Variants in TRIM44 observed in about 807,000 individuals in gnomAD.
TRIM44 encodes tripartite motif-containing protein 44.
Under a neutral mutation model 37.4 loss-of-function variants are expected in TRIM44, and 13 were observed. That is an observed-to-expected ratio of 0.35 (90% CI 0.23 to 0.55). TRIM44 has a LOEUF of 0.55. Among genes scored for constraint, TRIM44 ranks in the 20% least tolerant of loss-of-function variants. The pLI, the probability that TRIM44 is intolerant of heterozygous loss-of-function variation, is 0.89. For synonymous variants in TRIM44, 175 were observed against 157.2 expected, an observed-to-expected ratio of 1.11 and a Z score of -0.85; for missense variants, 426 against 437.2, an observed-to-expected ratio of 0.97 and a Z score of 0.23.
intron 4 of TRIM44, among the ~76,000 whole-genome samples, chr11:35,773,626 C>A (rs934735821): frequency 6.6e-6 from 1 of 152,152 alleles, no homozygotes; most frequent in Non-Finnish European, 1.5e-5. Flanking sequence ...CCCCTCTCCC[C>A]CTACCCCACA....
chr11:35,786,831 G>C (rs1565027622), intron 4 of TRIM44, among the ~76,000 whole-genome samples: 1 of 152,076 alleles, frequency 6.6e-6, no homozygotes, highest in African/African-American at 2.4e-5. Flanking sequence ...CAGGAGAGTG[G>C]TTGGCAGATA....
intron 1 of TRIM44, among the ~76,000 whole-genome samples, chr11:35,670,321 T>C (rs759229482): frequency 6.6e-5 from 10 of 152,370 alleles, no homozygotes; most frequent in South Asian, 4.1e-4. Flanking sequence ...TAGACTTTAC[T>C]GAATGTCACT....
chr11:35,815,124 G>A lies in TRIM44; in HGVS notation c.*8739G>A, dbSNP rs1224015704. ...TGTAGTTAAACATTTATATGTCCCA[G>A]GCCAGGAGATCAAATTAAGAGGAGG... On this transcript the variant is annotated 3_prime_UTR_variant, in exon 5 of 5. Transcript: ENST00000299413. 1 of 152,080 alleles carries A rather than the reference G, an allele frequency of 6.6e-6. No homozygotes were observed. Among genetic ancestry groups the A allele is most frequent in the Middle Eastern group, 3.2e-3 (1 of 316 alleles). 9.4% of individuals were successfully genotyped at this position (152,080 alleles called of 1,614,324 possible).
At chr11:35,697,517 T>G (rs1851720411) in intron 2 of TRIM44, among the ~76,000 whole-genome samples, 1 of 151,202 alleles carries the variant, frequency 6.6e-6, no homozygotes, top group African/African-American at 2.4e-5. Context: ...GTTTGGTACA[T>G]ATGTATACAT....
chr11:35,769,023 T>C (rs1852832221), intron 4 of TRIM44, among the ~76,000 whole-genome samples: 1 of 152,182 alleles, frequency 6.6e-6, no homozygotes, highest in Admixed American at 6.5e-5. Flanking sequence ...AATTCAAAAG[T>C]TCTGGCATTA....
At chr11:35,670,673 T>C (rs905359998) in intron 1 of TRIM44, among the ~76,000 whole-genome samples, 1 of 152,236 alleles carries the variant, frequency 6.6e-6, no homozygotes, top group East Asian at 1.9e-4. Context: ...CTCTAGAATG[T>C]CAATTTGGTT....
chr11:35,735,779 T>G (rs909925588), intron 4 of TRIM44, among the ~76,000 whole-genome samples: 2 of 152,134 alleles, frequency 1.3e-5, no homozygotes, highest in African/African-American at 4.8e-5. Flanking sequence ...GATAAATTTT[T>G]GTAGTCTTTC....
rs1423455012 is a variant in TRIM44, at chr11:35,808,207, T to A, written c.*1822T>A. ...TGGGGCTGAGGGGAGTTTGAGGTGT[T>A]AAAAAAAAAAAAAAAAAAGCATTTT... is the stretch of plus-strand genomic sequence containing the variant. On this transcript the variant is annotated 3_prime_UTR_variant, in exon 5 of 5. Coordinates refer to ENST00000299413, the MANE Select transcript of TRIM44 (RefSeq NM_017583.6). The A allele has an allele frequency of 2.3e-5, 2 of 87,972 alleles. No homozygotes were observed. The highest frequency in any genetic ancestry group is 4.2e-5 in the Non-Finnish European group (2 of 47,352). The allele number at this position is 87,972 out of a possible 1,614,324, so 5.4% of individuals were successfully genotyped here.
intron 1 of TRIM44, among the ~76,000 whole-genome samples, chr11:35,684,213 A>C (rs1024753604): frequency 6.6e-6 from 1 of 152,138 alleles, no homozygotes; most frequent in Non-Finnish European, 1.5e-5. Flanking sequence ...GGCTGGTTTA[A>C]ATTGATTGGG....
intron 3 of TRIM44, among the ~76,000 whole-genome samples, chr11:35,732,559 A>G (rs992517479): frequency 2.0e-5 from 3 of 152,202 alleles, no homozygotes; most frequent in Non-Finnish European, 2.9e-5. Flanking sequence ...TCTATTCTCA[A>G]GGAGTTGAAA....
At chr11:35,709,216 T>C (rs917076860) in intron 2 of TRIM44, among the ~76,000 whole-genome samples, 7 of 152,232 alleles carry the variant, frequency 4.6e-5, no homozygotes, top group African/African-American at 1.4e-4. Flanking sequence ...AACATTCTAC[T>C]GTAAGTTACC....
At chr11:35,794,435 A>C (rs1468589356) in intron 4 of TRIM44, among the ~76,000 whole-genome samples, 2 of 152,204 alleles carry the variant, frequency 1.3e-5, no homozygotes, top group East Asian at 3.8e-4. Flanking sequence ...TTTGTTCTTC[A>C]GGTTTCTTTG....
At chr11:35,753,743 TCAGA>T (rs1395593706) in intron 4 of TRIM44, among the ~76,000 whole-genome samples, 1 of 151,944 alleles carries the variant, frequency 6.6e-6, no homozygotes, top group South Asian at 2.1e-4. Context: ...TTTTTTTTCT[TCAGA>T]CAGAGTCTCG....
At chr11:35,779,872 T>TG (rs1267174443) in intron 4 of TRIM44, among the ~76,000 whole-genome samples, 6 of 95,598 alleles carry the variant, frequency 6.3e-5, no homozygotes, top group African/African-American at 1.7e-4. Flanking sequence ...CCCCTTTGCC[T>TG]ATTTTTTTTT....
intron 2 of TRIM44, among the ~76,000 whole-genome samples, chr11:35,715,404 ATGTGTGTGTG>A (rs112688346): frequency 2.8e-5 from 4 of 144,894 alleles, no homozygotes; most frequent in African/African-American, 1.0e-4. Context: ...CTCTCTGTGT[ATGTGTGTGTG>A]TGTGTGTGTG....
intron 4 of TRIM44, among the ~76,000 whole-genome samples, chr11:35,753,742 TTCAGACAGAGTCTCGCTCTGTCAC>T (rs1316692834): frequency 5.5e-4 from 84 of 152,112 alleles, no homozygotes; most frequent in Admixed American, 1.4e-3. Flanking sequence ...TTTTTTTTTC[TTCAGACAGAGTCTCGCTCTGTCAC>T]TCAGCAGGTT....
Position 35,816,988 on chromosome 11 carries a change from A to G in TRIM44, c.*10603A>G, listed in dbSNP as rs1853589777. The G allele has an allele frequency of 6.6e-6, 1 of 152,192 alleles. No homozygotes were observed. Among genetic ancestry groups the G allele is most frequent in the Non-Finnish European group, 1.5e-5 (1 of 68,052 alleles). The allele number at this position is 152,192 out of a possible 1,614,324, so 9.4% of individuals were successfully genotyped here. ...CATGTACTTTTTCATATCAACGGTA[A>G]GTACCTCAAATTACCGTATGTATTT... On this transcript the variant is annotated 3_prime_UTR_variant, in exon 5 of 5. Coordinates refer to ENST00000299413, the MANE Select transcript of TRIM44 (RefSeq NM_017583.6).
At chr11:35,779,307 A>G (rs1853026160) in intron 4 of TRIM44, among the ~76,000 whole-genome samples, 1 of 152,174 alleles carries the variant, frequency 6.6e-6, no homozygotes, top group African/African-American at 2.4e-5. Context: ...GCGCAGTATT[A>G]GGGTGCAAGT....
At chr11:35,735,886 A>G (rs1394726830) in intron 4 of TRIM44, among the ~76,000 whole-genome samples, 1 of 152,108 alleles carries the variant, frequency 6.6e-6, no homozygotes, top group Non-Finnish European at 1.5e-5. Flanking sequence ...AGACACCTAT[A>G]TGATGAATCC....
Sources: gnomAD v4.1 joint callset for allele counts (sites outside exome capture counted in the v4.1 genomes callset) on GRCh38, gnomAD v4.1.1 for gene constraint, MANE v1.5 for transcripts, NCBI Gene and HGNC (gene_info 2026-07-23, HGNC 2026-07-21) for gene names.